PDK1: variants seen among roughly 807,000 people sequenced by gnomAD.
The protein encoded by PDK1 is [Pyruvate dehydrogenase (acetyl-transferring)] kinase isozyme 1, mitochondrial.
Under a neutral mutation model 54.2 loss-of-function variants are expected in PDK1, and 39 were observed. The ratio of observed to expected loss-of-function variants is 0.72; its 90% CI spans 0.56 to 0.94. The LOEUF (loss-of-function observed/expected upper bound fraction) is 0.94. Ranked by LOEUF, PDK1 falls within the 40% of genes least tolerant of loss-of-function variation. The pLI, the probability that PDK1 is intolerant of heterozygous loss-of-function variation, is 0.00. For missense variants in PDK1, 552 were observed against 566.0 expected, an observed-to-expected ratio of 0.98 and a Z score of 0.25; for synonymous variants, 221 against 207.1, an observed-to-expected ratio of 1.07 and a Z score of -0.58.
the PDK1 span, among the ~76,000 whole-genome samples, chr2:172,707,539 G>C: frequency 7.2e-4 from 109 of 152,278 alleles, 1 homozygote; most frequent in Non-Finnish European, 1.3e-3. Flanking sequence ...AGCTTCGACA[G>C]CTCCAGGTCT....
At chr2:172,666,125 G>A in the PDK1 span, among the ~76,000 whole-genome samples, 5 of 152,102 alleles carry the variant, frequency 3.3e-5, no homozygotes, top group African/African-American at 9.7e-5. Context: ...CTGTATATAC[G>A]ATCAATACTT....
Position 172,601,844 on chromosome 2 carries a change from T to C in PDK1, c.*5875T>C, listed in dbSNP as rs1300683104. ...AAGGCCCAAATAAACAGTATTTAGA[T>C]TTTTTTTTAAAGGACATAACTACCA... is the stretch of plus-strand genomic sequence containing the variant. On this transcript the variant is annotated 3_prime_UTR_variant, in exon 11 of 11. Coordinates refer to ENST00000282077, the MANE Select transcript of PDK1 (RefSeq NM_002610.5). 6.6e-6 allele frequency: 1 copy of C among 151,270 alleles called. No individual in the cohort carries two copies. Among genetic ancestry groups the C allele is most frequent in the Admixed American group, 6.6e-5 (1 of 15,196 alleles). The allele number at this position is 151,270 out of a possible 1,614,324, so 9.4% of individuals were successfully genotyped here. A position where few individuals can be genotyped will look rare whatever the true frequency, so the allele number is the denominator to read the frequency against.
rs1690103521 is a variant in PDK1, at chr2:172,584,581, GC to G, written c.946-1696del. On this transcript the variant is annotated intron_variant, in intron 8 of 10. Transcript: ENST00000282077. ...GGATGTTCTCATATATACTTTGCAT[GC>G]TTTTCTGCTTATTTTCTCAGGATAA... 2.7e-5 allele frequency among the ~76,000 whole-genome samples: 4 copies of G among 147,168 alleles called. 1 individual carries two copies. In the South Asian group the frequency reaches 8.5e-4, roughly 31 times the overall value.
chr2:172,620,139 C>G, the PDK1 span, among the ~76,000 whole-genome samples: 1 of 152,186 alleles, frequency 6.6e-6, no homozygotes, highest in African/African-American at 2.4e-5. Flanking sequence ...GTACTCCAGT[C>G]TGGATGACAG....
At chr2:172,688,966 G>A in the PDK1 span, among the ~76,000 whole-genome samples, 4 of 152,010 alleles carry the variant, frequency 2.6e-5, no homozygotes, top group Non-Finnish European at 5.9e-5. Context: ...TCTTAAAGGT[G>A]GCCCGGACCC....
the PDK1 span, among the ~76,000 whole-genome samples, chr2:172,681,366 G>C: frequency 6.6e-6 from 1 of 152,220 alleles, no homozygotes; most frequent in Non-Finnish European, 1.5e-5. Context: ...TGTTTTTGCA[G>C]TGGGGATAGA....
downstream of PDK1, among the ~76,000 whole-genome samples, chr2:172,610,853 C>G (rs1359339634): frequency 6.6e-6 from 1 of 152,198 alleles, no homozygotes; most frequent in African/African-American, 2.4e-5. Flanking sequence ...TCAGGTGATC[C>G]ACCCTCCTCG....
At chr2:172,697,159 C>T in the PDK1 span, among the ~76,000 whole-genome samples, 3 of 152,066 alleles carry the variant, frequency 2.0e-5, no homozygotes, top group Non-Finnish European at 2.9e-5. Context: ...TACCCATTTG[C>T]TGCCTTAAGA....
chr2:172,560,838 T>G (rs1688618194), intron 2 of PDK1, among the ~76,000 whole-genome samples: 1 of 152,200 alleles, frequency 6.6e-6, no homozygotes, highest in South Asian at 2.1e-4. Context: ...TTTAAAAGTG[T>G]TGTTCTTTTA....
chr2:172,683,456 C>T, the PDK1 span, among the ~76,000 whole-genome samples: 9 of 151,990 alleles, frequency 5.9e-5, no homozygotes, highest in African/African-American at 2.2e-4. Flanking sequence ...GGGGAGGCCT[C>T]AGGAAGCTTC....
chr2:172,595,987 G>C lies in PDK1; in HGVS notation c.*18G>C, dbSNP rs771088865. The C allele has an allele frequency of 2.5e-6, 4 of 1,593,614 alleles. No individual in the cohort carries two copies. The highest frequency in any genetic ancestry group is 2.6e-6 in the Non-Finnish European group (3 of 1,167,354). On this transcript the variant is annotated 3_prime_UTR_variant, in exon 11 of 11. Coordinates refer to ENST00000282077, the MANE Select transcript of PDK1 (RefSeq NM_002610.5). The stretch of plus-strand genomic sequence containing the variant: ...GTGCCTAGACACACTTGGGACATCG[G>C]AAAATCCAAATGTGGCTTTTGTATT...
chr2:172,566,693 CAAA>C (rs764324321), intron 5 of PDK1, among the ~76,000 whole-genome samples, 160 bp from the exon 6 acceptor site: 3 of 59,566 alleles, frequency 5.0e-5, no homozygotes, highest in African/African-American at 6.0e-5. Context: ...ATGTCTCTAC[CAAA>C]AAAAAAAAAA....
chr2:172,590,446 T>A (rs757452421), intron 9 of PDK1, among the ~76,000 whole-genome samples: 79 of 152,192 alleles, frequency 5.2e-4, no homozygotes, highest in Admixed American at 8.5e-4. Flanking sequence ...GGTGGGTTTG[T>A]GGTCTTGCTT....
the PDK1 span, among the ~76,000 whole-genome samples, chr2:172,681,585 G>A: frequency 0.056 from 8,576 of 152,130 alleles, 1,013 homozygotes; most frequent in East Asian, 0.54. Context: ...TAAGTGCTGG[G>A]GAAACAACAG....
the PDK1 span, among the ~76,000 whole-genome samples, chr2:172,655,188 C>T: frequency 3.9e-5 from 6 of 152,192 alleles, no homozygotes; most frequent in Non-Finnish European, 8.8e-5. Context: ...CTGGCAAAGC[C>T]CTTCTCCCAT....
At chr2:172,610,219 T>A (rs1691419203), downstream of PDK1, among the ~76,000 whole-genome samples, 1 of 152,170 alleles carries the variant, frequency 6.6e-6, no homozygotes, top group Non-Finnish European at 1.5e-5. Flanking sequence ...TTCAGGTTTA[T>A]GTCCACTCAA....
At chr2:172,572,917 G>A (rs1689362182) in intron 8 of PDK1, among the ~76,000 whole-genome samples, 2 of 152,198 alleles carry the variant, frequency 1.3e-5, no homozygotes, top group South Asian at 4.1e-4. Context: ...GTTATAGTAT[G>A]CATTTGTACT....
chr2:172,712,076 G>T, the PDK1 span, among the ~76,000 whole-genome samples: 1 of 151,846 alleles, frequency 6.6e-6, no homozygotes, highest in Admixed American at 6.6e-5. Context: ...GACTGTTAAG[G>T]TTATAGGTTT....
intron 1 of PDK1, among the ~76,000 whole-genome samples, chr2:172,557,511 C>T (rs532709406): frequency 2.0e-4 from 31 of 151,998 alleles, no homozygotes; most frequent in African/African-American, 7.2e-4. Flanking sequence ...CTTTCAGTAA[C>T]CAGACAATTG....
Sources: gnomAD v4.1 joint callset for allele counts (sites outside exome capture counted in the v4.1 genomes callset) on GRCh38, gnomAD v4.1.1 for gene constraint, MANE v1.5 for transcripts, NCBI Gene and HGNC (gene_info 2026-07-23, HGNC 2026-07-21) for gene names.